Variants in SPECC1 observed in about 807,000 individuals in gnomAD.
SPECC1 encodes sperm antigen with calponin homology and coiled-coil domains 1, also known as cytospin-B.
In SPECC1, 62 loss-of-function variants were observed where a neutral mutation model predicts 104.1. The ratio of observed to expected loss-of-function variants is 0.60; its 90% CI spans 0.49 to 0.74. The LOEUF is 0.74. Ranked by LOEUF, SPECC1 falls within the 30% of genes least tolerant of loss-of-function variation. SPECC1 has a pLI of 0.00. For synonymous variants in SPECC1, 513 were observed against 501.6 expected (o/e 1.02, Z -0.30); for missense variants, 1,306 against 1,310.5 (o/e 1.00, Z 0.05).
At chr17:20,155,264 G>C (rs2032359021) in intron 3 of SPECC1, 1 of 152,238 alleles carries the variant, frequency 6.6e-6, no homozygotes, top group Admixed American at 6.5e-5. Context: ...CTGTTTGGAG[G>C]CGTTAGGAGT....
chr17:20,125,075 G>T (rs1433410742), intron 3 of SPECC1, among the ~76,000 whole-genome samples: 4 of 152,160 alleles, frequency 2.6e-5, no homozygotes, highest in Non-Finnish European at 5.9e-5. Context: ...AGCTACTCGG[G>T]AGGCTGAGGC....
At chr17:20,055,100 C>T (rs1206866492) in intron 1 of SPECC1, among the ~76,000 whole-genome samples, 3 of 152,174 alleles carry the variant, frequency 2.0e-5, no homozygotes, top group Admixed American at 2.0e-4. Flanking sequence ...TCCCGCCCTG[C>T]AGCTCCAGGT....
chr17:20,287,013 G>A (rs950481584), intron 12 of SPECC1, among the ~76,000 whole-genome samples: 6 of 152,320 alleles, frequency 3.9e-5, no homozygotes, highest in Middle Eastern at 3.4e-3. Flanking sequence ...TTAGGCCATC[G>A]GCTGCCGTCA....
chr17:20,187,016 TGGGACCAGA>T (rs1183967826), intron 3 of SPECC1, among the ~76,000 whole-genome samples: 3 of 152,158 alleles, frequency 2.0e-5, no homozygotes, highest in Non-Finnish European at 4.4e-5. Flanking sequence ...CTGAAATGCT[TGGGACCAGA>T]TGTGTTTTGA....
At chr17:20,117,412 CT>C (rs1239794482) in intron 3 of SPECC1, among the ~76,000 whole-genome samples, 1 of 152,016 alleles carries the variant, frequency 6.6e-6, no homozygotes, top group Non-Finnish European at 1.5e-5. Context: ...ATATAAGAAA[CT>C]TCTTTGCAAA....
At chr17:20,287,280 G>T (rs1449507953) in intron 12 of SPECC1, among the ~76,000 whole-genome samples, 1 of 151,974 alleles carries the variant, frequency 6.6e-6, no homozygotes, top group Non-Finnish European at 1.5e-5. Flanking sequence ...AGCCGGGCGC[G>T]GTGGCGGGCG....
At chr17:20,305,392 A>G (rs1220866609) in intron 13 of SPECC1, among the ~76,000 whole-genome samples, 4 of 152,246 alleles carry the variant, frequency 2.6e-5, no homozygotes, top group African/African-American at 9.6e-5. Flanking sequence ...GGTCACAAAC[A>G]TAGCTAATAT....
chr17:20,011,821 T>G (rs898334323), intron 1 of SPECC1, among the ~76,000 whole-genome samples: 3 of 152,158 alleles, frequency 2.0e-5, no homozygotes, highest in African/African-American at 7.2e-5. Flanking sequence ...CAACGAGACA[T>G]TATTGCTATT....
At chr17:20,136,317 C>G (rs965990562) in intron 3 of SPECC1, among the ~76,000 whole-genome samples, 1 of 151,648 alleles carries the variant, frequency 6.6e-6, no homozygotes, top group Non-Finnish European at 1.5e-5. Context: ...CCCAGCTACT[C>G]AGGAGGTTGA....
Position 20,096,628 on chromosome 17 carries a change from C to A in SPECC1, c.-21-3C>A. The A allele has an allele frequency of 6.3e-7, 1 of 1,594,474 alleles. No individual in the cohort carries two copies. The highest frequency in any genetic ancestry group is 1.4e-5 in the African/African-American group (1 of 74,060). On this transcript the variant is annotated splice_polypyrimidine_tract_variant and splice_region_variant and intron_variant, in intron 1 of 14. Coordinates refer to ENST00000395527, the MANE Select transcript of SPECC1 (RefSeq NM_001243439.2). ...CATGTTTTTCTTTTCTGCTCTTTTG[C>A]AGGACAGACCCACGAAGTCAAGCAT...
At chr17:20,268,025 A>G (rs1449499557) in intron 12 of SPECC1, among the ~76,000 whole-genome samples, 5 of 152,328 alleles carry the variant, frequency 3.3e-5, no homozygotes, top group African/African-American at 1.2e-4. Flanking sequence ...CATGGGTGGC[A>G]TGAAGATACT....
chr17:20,308,231 T>C (rs1040986500), intron 14 of SPECC1, among the ~76,000 whole-genome samples: 7 of 151,758 alleles, frequency 4.6e-5, no homozygotes, highest in Non-Finnish European at 1.0e-4. Context: ...CTACTAAAGA[T>C]ACACAAAATT....
chr17:20,186,089 C>T (rs1213582019), intron 3 of SPECC1, among the ~76,000 whole-genome samples: 4 of 152,190 alleles, frequency 2.6e-5, no homozygotes, highest in African/African-American at 7.2e-5. Context: ...CCACCCTCCT[C>T]GGCCTCCCAA....
rs1032839575 is a variant in SPECC1, at chr17:20,205,947, A to T, written c.1863+35A>T. 1.9e-6 allele frequency: 3 copies of T among 1,567,702 alleles called. 1 individual carries two copies. The highest frequency in any genetic ancestry group is 3.5e-5 in the Admixed American group (2 of 56,530). On this transcript the variant is annotated intron_variant, in intron 4 of 14. Transcript: ENST00000395527. ...GACAGCTCTTTACTGGTATTTGCTC[A>T]TCCTTGTTCACATTTCTGCCCTTAA...
chr17:20,304,117 CAAAAAAAAA>C (rs774130653), intron 13 of SPECC1, among the ~76,000 whole-genome samples: 58 of 39,338 alleles, frequency 1.5e-3, no homozygotes, highest in South Asian at 8.6e-3. Context: ...ACTAAAAATA[CAAAAAAAAA>C]AAAAAAAAAA....
At position 20,176,497 on chromosome 17, in the gene SPECC1, A is replaced by G. The variant is rs527992007; in HGVS notation, c.284-27836A>G. Among the ~76,000 whole-genome samples the G allele has an allele frequency of 9.2e-5, 14 of 152,294 alleles. No individual in the cohort carries two copies. The East Asian group carries it at 1.7e-3, about 19-fold the overall frequency. ...GAGTGTATTGGTTCCTGTTGCTGCT[A>G]TAACAAATAACTACAAATTTAGTGG... On this transcript the variant is annotated intron_variant, in intron 3 of 14. Coordinates refer to ENST00000395527, the MANE Select transcript of SPECC1 (RefSeq NM_001243439.2).
At chr17:20,288,718 GT>G (rs1355587488) in intron 12 of SPECC1, among the ~76,000 whole-genome samples, 3 of 149,176 alleles carry the variant, frequency 2.0e-5, no homozygotes, top group Non-Finnish European at 4.4e-5. Flanking sequence ...TGGACTTACA[GT>G]TTCACATTGC....
In SPECC1 at chr17:20,236,674, T is replaced by A. The variant is rs201303369; in HGVS notation, c.2351+4269T>A. Among the ~76,000 whole-genome samples the A allele has an allele frequency of 1.1e-3, 164 of 150,818 alleles. No homozygotes were observed. The South Asian group carries it at 0.016, about 15-fold the overall frequency. On this transcript the variant is annotated intron_variant, in intron 7 of 14. Transcript: ENST00000395527. ...GTCTGGCTTTTTTTTTTTTTTTTTT[T>A]ATGTCTGAAAACCTTTGGCTTCCAA...
At chr17:20,032,964 GTA>G (rs1259674932) in intron 1 of SPECC1, among the ~76,000 whole-genome samples, 2 of 150,002 alleles carry the variant, frequency 1.3e-5, no homozygotes, top group African/African-American at 4.9e-5. Flanking sequence ...ATATATATAT[GTA>G]TATTTTTTTT....
Sources: gnomAD v4.1 joint callset for allele counts (sites outside exome capture counted in the v4.1 genomes callset) on GRCh38, gnomAD v4.1.1 for gene constraint, MANE v1.5 for transcripts, NCBI Gene and HGNC (gene_info 2026-07-23, HGNC 2026-07-21) for gene names.